PITPNC1: variants seen among roughly 807,000 people sequenced by gnomAD.
PITPNC1 encodes the protein phosphatidylinositol transfer protein cytoplasmic 1.
In PITPNC1, 18 loss-of-function variants were observed where a neutral mutation model predicts 44.7. The observed-to-expected ratio is 0.40, with a 90% CI of 0.28 to 0.60. The LOEUF (loss-of-function observed/expected upper bound fraction) is 0.60, where lower values mean the gene tolerates loss of function less well. Ranked by LOEUF, PITPNC1 falls within the 20% of genes least tolerant of loss-of-function variation. PITPNC1 has a pLI of 0.39. For missense variants in PITPNC1, 290 were observed against 418.4 expected (o/e 0.69, Z 2.68); for synonymous variants, 141 against 149.6 (o/e 0.94, Z 0.42).
At chr17:67,477,427 T>C (rs2039646068) in intron 1 of PITPNC1, among the ~76,000 whole-genome samples, 2 of 152,128 alleles carry the variant, frequency 1.3e-5, no homozygotes, top group African/African-American at 4.8e-5. Flanking sequence ...GTATTTTTAG[T>C]AGAGATGGGG....
At chr17:67,514,091 G>A (rs1047379720) in intron 1 of PITPNC1, among the ~76,000 whole-genome samples, 1 of 152,140 alleles carries the variant, frequency 6.6e-6, no homozygotes, top group African/African-American at 2.4e-5. Context: ...CTTGTTCACT[G>A]CCGGGCAGTT....
At chr17:67,498,224 A>T (rs538965353) in intron 1 of PITPNC1, among the ~76,000 whole-genome samples, 1 of 152,006 alleles carries the variant, frequency 6.6e-6, no homozygotes, top group South Asian at 2.1e-4. Flanking sequence ...TGGCTCCCTC[A>T]TATCTCTTGC....
Position 67,523,806 on chromosome 17 carries a change from C to CCT in PITPNC1, c.49-8996_49-8995insCT, listed in dbSNP as rs1281830078. Among the ~76,000 whole-genome samples the CCT allele has an allele frequency of 7.3e-3, 927 of 127,600 alleles. 46 individuals are homozygous for CCT. The highest frequency in any genetic ancestry group is 8.7e-3 in the Non-Finnish European group (532 of 61,242). 83.7% of individuals were successfully genotyped at this position (127,600 alleles called of 152,430 possible). On this transcript the variant is annotated intron_variant, in intron 1 of 8. Transcript: ENST00000581322. Reference sequence around the variant, plus strand: ...CACCAGCTCAGAAATACATGGAAACCGTTTTTTTTTTTTTTTTTTTTTTTA... The same window carrying CCT: ...CACCAGCTCAGAAATACATGGAAACCCTGTTTTTTTTTTTTTTTTTTTTTTTA...
intron 1 of PITPNC1, among the ~76,000 whole-genome samples, chr17:67,426,156 G>T (rs1467085776): frequency 6.6e-6 from 1 of 152,150 alleles, no homozygotes; most frequent in Non-Finnish European, 1.5e-5. Context: ...TTACACTGTT[G>T]GTGGGAAGGT....
Position 67,490,030 on chromosome 17 carries a change from C to T in PITPNC1, c.49-42772C>T, listed in dbSNP as rs558203217. ...GGGATTGCAGGCGTGAGCCACCACA[C>T]CCAGCCAGGTTATTTCTTTGGAGCA... is the stretch of plus-strand genomic sequence containing the variant. On this transcript the variant is annotated intron_variant, in intron 1 of 8. Coordinates refer to ENST00000581322, the MANE Select transcript of PITPNC1 (RefSeq NM_012417.4). Among the ~76,000 whole-genome samples, 6 of 152,282 alleles carry T rather than the reference C, an allele frequency of 3.9e-5. No individual in the cohort carries two copies. The South Asian group carries it at 1.0e-3, about 26-fold the overall frequency.
chr17:67,440,810 A>G (rs891173198), intron 1 of PITPNC1, among the ~76,000 whole-genome samples: 1 of 151,902 alleles, frequency 6.6e-6, no homozygotes, highest in Non-Finnish European at 1.5e-5. Context: ...AGCCTCCCAA[A>G]GTGCTAGGAT....
chr17:67,425,531 T>C (rs1206577524), intron 1 of PITPNC1, among the ~76,000 whole-genome samples: 1 of 150,050 alleles, frequency 6.7e-6, no homozygotes, highest in East Asian at 2.0e-4. Flanking sequence ...TTTCTTTCTT[T>C]TTTTTTTAGA....
chr17:67,397,844 AG>A (rs763288989), intron 1 of PITPNC1, among the ~76,000 whole-genome samples: 14 of 152,328 alleles, frequency 9.2e-5, no homozygotes, highest in Non-Finnish European at 1.8e-4. Flanking sequence ...CTGTAATCCC[AG>A]CACTTTGGGA....
At chr17:67,387,418 C>A (rs959413372) in intron 1 of PITPNC1, among the ~76,000 whole-genome samples, 8 of 152,218 alleles carry the variant, frequency 5.3e-5, no homozygotes, top group Admixed American at 4.6e-4. Flanking sequence ...GTAATCCCAG[C>A]ACTTTGGGGT....
At chr17:67,568,962 T>C (rs1379115534) in intron 4 of PITPNC1, among the ~76,000 whole-genome samples, 3 of 152,196 alleles carry the variant, frequency 2.0e-5, no homozygotes, top group Non-Finnish European at 2.9e-5. Flanking sequence ...ATGACAGTCT[T>C]CAAAGTGAGC....
chr17:67,553,909 T>G (rs17655248), intron 4 of PITPNC1, among the ~76,000 whole-genome samples: 4,242 of 152,320 alleles, frequency 0.028, 86 homozygotes, highest in Middle Eastern at 0.065. Flanking sequence ...GATAGTTCAC[T>G]ATAATAAAAG....
intron 1 of PITPNC1, among the ~76,000 whole-genome samples, chr17:67,473,599 G>A (rs926247959): frequency 3.3e-5 from 5 of 151,988 alleles, no homozygotes; most frequent in Admixed American, 1.3e-4. Context: ...CACCGCCCCC[G>A]GCCCTGGTGT....
At chr17:67,474,243 G>A (rs2039593690) in intron 1 of PITPNC1, among the ~76,000 whole-genome samples, 1 of 152,188 alleles carries the variant, frequency 6.6e-6, no homozygotes, top group Non-Finnish European at 1.5e-5. Context: ...GAAAGTTTGG[G>A]AGGGTCGATT....
At chr17:67,579,361 C>T (rs948896517) in intron 5 of PITPNC1, among the ~76,000 whole-genome samples, 4 of 152,294 alleles carry the variant, frequency 2.6e-5, no homozygotes, top group East Asian at 3.9e-4. Context: ...CTAGAAGCTT[C>T]GGGGCTTCCC....
intron 1 of PITPNC1, among the ~76,000 whole-genome samples, chr17:67,496,281 A>G (rs2039951505): frequency 6.6e-6 from 1 of 152,064 alleles, no homozygotes; most frequent in South Asian, 2.1e-4. Context: ...ATTTCCTCCT[A>G]CTCTTTACTT....
chr17:67,671,033 G>A (rs942281789), intron 7 of PITPNC1, among the ~76,000 whole-genome samples: 9 of 151,874 alleles, frequency 5.9e-5, no homozygotes, highest in East Asian at 1.9e-4. Flanking sequence ...TGGGAGGTGC[G>A]CACGCCACCA....
chr17:67,434,536 C>T (rs1380021441), intron 1 of PITPNC1, among the ~76,000 whole-genome samples: 1 of 152,090 alleles, frequency 6.6e-6, no homozygotes, highest in Non-Finnish European at 1.5e-5. Flanking sequence ...TCAGGCTGGG[C>T]GCGGTGGCTC....
intron 5 of PITPNC1, among the ~76,000 whole-genome samples, chr17:67,615,571 G>T (rs1380220907): frequency 2.0e-5 from 3 of 152,138 alleles, no homozygotes; most frequent in African/African-American, 7.2e-5. Flanking sequence ...GCCTGTTTGT[G>T]CAAAGAATTC....
intron 1 of PITPNC1, among the ~76,000 whole-genome samples, chr17:67,416,153 CT>C (rs2038584947): frequency 7.3e-6 from 1 of 136,346 alleles, no homozygotes; most frequent in African/African-American, 2.7e-5. Context: ...AGACTTGGTC[CT>C]TTTTTTGTAC....
Sources: gnomAD v4.1 joint callset for allele counts (sites outside exome capture counted in the v4.1 genomes callset) on GRCh38, gnomAD v4.1.1 for gene constraint, MANE v1.5 for transcripts, NCBI Gene and HGNC (gene_info 2026-07-23, HGNC 2026-07-21) for gene names.